The following ZRANB2 variants were observed in gnomAD, a reference collection of about 807,000 sequenced individuals.
ZRANB2 encodes the protein zinc finger Ran-binding domain-containing protein 2.
In ZRANB2, 19 loss-of-function variants were observed where a neutral mutation model predicts 53.4. That is an observed-to-expected ratio of 0.36 (90% CI 0.25 to 0.52). The LOEUF (loss-of-function observed/expected upper bound fraction) is 0.52. Among genes scored for constraint, ZRANB2 ranks in the 20% least tolerant of loss-of-function variants. ZRANB2 has a pLI of 0.93. For synonymous variants in ZRANB2, 145 were observed against 134.8 expected (o/e 1.08, Z -0.52); for missense variants, 309 against 401.1 (o/e 0.77, Z 1.96).
chr1:71,071,027 T>C (rs1661583796), intron 6 of ZRANB2, 31 bp from the exon 7 acceptor site: 1 of 1,497,974 alleles, frequency 6.7e-7, no homozygotes, highest in Non-Finnish European at 8.9e-7. Flanking sequence ...ATTAGACATT[T>C]AGATATTAGT....
At position 71,065,616 on chromosome 1, in the gene ZRANB2, T is replaced by C. The variant is rs1661408755; in HGVS notation, c.930-479A>G. ...TTTTGGAAATCTAGGTCACACAAGA[T>C]GATTGTACAATTTGCTATAGGGTTA... On this transcript the variant is annotated intron_variant, in intron 9 of 9. Coordinates refer to ENST00000370920, the MANE Select transcript of ZRANB2 (RefSeq NM_203350.3). The C allele has an allele frequency of 2.6e-6, 4 of 1,532,684 alleles. No homozygotes were observed. The South Asian group carries it at 3.8e-5, about 15-fold the overall frequency. 94.9% of individuals were successfully genotyped at this position (1,532,684 alleles called of 1,614,324 possible). A position where few individuals can be genotyped will look rare whatever the true frequency, so the allele number is the denominator to read the frequency against.
At chr1:71,072,020 C>G in intron 6 of ZRANB2, 101 bp downstream of exon 6, 1 of 1,469,086 alleles carries the variant, frequency 6.8e-7, no homozygotes, top group Non-Finnish European at 9.1e-7. Flanking sequence ...AATGAAAACA[C>G]AGAATATATT....
intron 1 of ZRANB2, 73 bp from the exon 2 acceptor site, chr1:71,078,781 C>T: frequency 7.9e-7 from 1 of 1,273,314 alleles, no homozygotes; most frequent in African/African-American, 1.5e-5. Flanking sequence ...GTCCTCACTA[C>T]ATATCTGGAA....
intron 4 of ZRANB2, among the ~76,000 whole-genome samples, chr1:71,074,847 C>T (rs2101049223): frequency 6.6e-6 from 1 of 152,226 alleles, no homozygotes; most frequent in Non-Finnish European, 1.5e-5. Context: ...CCCTGCACTG[C>T]TTTATTACAA....
Position 71,078,474 on chromosome 1 carries a change from A to T in ZRANB2, c.201T>A (p.Asn67Lys). 6.2e-7 allele frequency: 1 copy of T among 1,613,756 alleles called. No homozygotes were observed. The highest frequency in any genetic ancestry group is 8.5e-7 in the Non-Finnish European group (1 of 1,179,820). The change falls in exon 3 of 10, where the codon AAT becomes AAA. Residue 67 changes from asparagine (N) to lysine (K), a missense_variant. Asn to Lys is a moderately conservative substitution (Grantham distance 94). Coordinates refer to ENST00000370920, the MANE Select transcript of ZRANB2 (RefSeq NM_203350.3). ...AEKSRGLFSA[N>K]DWQCKTCSNV... Reference sequence around the variant, plus strand: ...AAACATACGTTTTACATTGCCAGTCATTAGCACTAAATAGGCCTCGGCTCT... The same window carrying T: ...AAACATACGTTTTACATTGCCAGTCTTTAGCACTAAATAGGCCTCGGCTCT...
chr1:71,070,184 G>A lies in ZRANB2; in HGVS notation c.683+643C>T, dbSNP rs183093218. ...AACTGTGATTAAGGTTTTTCAAGAG[G>A]ACACTGTTAAATTTAAATCACTGCT... On this transcript the variant is annotated intron_variant, in intron 7 of 9. Transcript: ENST00000370920. Among the ~76,000 whole-genome samples, 470 of 152,000 alleles carry A rather than the reference G, an allele frequency of 3.1e-3. 6 individuals carry two copies. Among genetic ancestry groups the A allele is most frequent in the African/African-American group, 0.011 (448 of 41,464 alleles).
At chr1:71,076,705 T>C (rs761394096) in intron 4 of ZRANB2, 90 bp downstream of exon 4, 3 of 963,646 alleles carry the variant, frequency 3.1e-6, no homozygotes, top group East Asian at 5.0e-5. Flanking sequence ...CCTCACTTAC[T>C]GTGGCTCTTA....
intron 4 of ZRANB2, among the ~76,000 whole-genome samples, chr1:71,076,313 C>T (rs538923169): frequency 1.2e-4 from 18 of 152,252 alleles, no homozygotes; most frequent in African/African-American, 3.8e-4. Context: ...GGAAACCCAC[C>T]GCCAAATAAC....
In ZRANB2 at chr1:71,078,946, G is replaced by A. The variant is rs114554318; in HGVS notation, c.57-238C>T. Among the ~76,000 whole-genome samples, 1,048 of 152,258 alleles carry A rather than the reference G, an allele frequency of 6.9e-3. 15 individuals carry two copies. Among genetic ancestry groups the A allele is most frequent in the African/African-American group, 0.024 (1,012 of 41,560 alleles). ...TTACCAGTCATGTGATCTTGATTAAGTTACTTAGGATCTCTGCCTCAAGTC... is the reference window on the plus strand; with the variant it reads ...TTACCAGTCATGTGATCTTGATTAAATTACTTAGGATCTCTGCCTCAAGTC... On this transcript the variant is annotated intron_variant, in intron 1 of 9. Transcript: ENST00000370920.
rs1165982394 is a variant in ZRANB2 at position 71,070,819 on chromosome 1, C to T, written c.683+8G>A. On this transcript the variant is annotated splice_region_variant and intron_variant, in intron 7 of 9. Transcript: ENST00000370920. ...GACTGGTGTTACCCTTGACCTGTAC[C>T]CGTTTACCTGGACCTAGACCTTGAA... 1.3e-6 allele frequency: 2 copies of T among 1,524,510 alleles called. No individual in the cohort carries two copies. The highest frequency in any genetic ancestry group is 8.8e-7 in the Non-Finnish European group (1 of 1,133,204). The allele number at this position is 1,524,510 out of a possible 1,614,324, so 94.4% of individuals were successfully genotyped here.
chr1:71,072,426 T>C (rs1661615694), intron 5 of ZRANB2, 46 bp downstream of exon 5: 3 of 1,545,986 alleles, frequency 1.9e-6, no homozygotes, highest in African/African-American at 1.4e-5. Context: ...GAATTTTTTC[T>C]GTTTTTCTAA....
rs1377377838 is a variant in ZRANB2, at chr1:71,064,437, A to C, written c.*637T>G. 2.0e-5 allele frequency: 3 copies of C among 152,460 alleles called. No individual in the cohort carries two copies. Among genetic ancestry groups the C allele is most frequent in the Non-Finnish European group, 4.4e-5 (3 of 67,906 alleles). 9.4% of individuals were successfully genotyped at this position (152,460 alleles called of 1,614,324 possible). ...TTTTTGCCCCAAATTATGTGTCAGAAAGGAAAATATATCCCACTTCTCTCC... is the reference window on the plus strand; with the variant it reads ...TTTTTGCCCCAAATTATGTGTCAGACAGGAAAATATATCCCACTTCTCTCC... On this transcript the variant is annotated 3_prime_UTR_variant, in exon 10 of 10. Transcript: ENST00000370920.
rs563827325 is a variant in ZRANB2, at chr1:71,078,636, A to G, written c.109+20T>C. 8.1e-6 allele frequency: 13 copies of G among 1,610,852 alleles called. No individual in the cohort carries two copies. Among genetic ancestry groups the G allele is most frequent in the Non-Finnish European group, 1.1e-5 (13 of 1,177,742 alleles). On this transcript the variant is annotated intron_variant, in intron 2 of 9. Transcript: ENST00000370920. Reference sequence around the variant, plus strand: ...AATGATACATATACAGTATAAATAGAATCTTCTTTAAATACTTACCCCGAC... The same window carrying G: ...AATGATACATATACAGTATAAATAGGATCTTCTTTAAATACTTACCCCGAC...
At chr1:71,065,727 G>A in intron 9 of ZRANB2, 4 of 1,612,694 alleles carry the variant, frequency 2.5e-6, no homozygotes, top group East Asian at 2.2e-5. Flanking sequence ...GCTCAGGGTT[G>A]TTTAGTGTTT....
intron 8 of ZRANB2, among the ~76,000 whole-genome samples, chr1:71,068,528 A>G (rs1303743566): frequency 6.6e-6 from 1 of 152,032 alleles, no homozygotes; most frequent in Non-Finnish European, 1.5e-5. Context: ...ACCACATCCT[A>G]TCTCAACTAA....
chr1:71,076,573 T>C (rs937385603), intron 4 of ZRANB2, among the ~76,000 whole-genome samples: 16 of 152,182 alleles, frequency 1.1e-4, no homozygotes, highest in African/African-American at 3.1e-4. Flanking sequence ...CTTATGTCCC[T>C]CCTTGTTAGG....
chr1:71,078,288 TTTAAAACTTCTTTATACTATAC>T (rs1175053269), intron 3 of ZRANB2, among the ~76,000 whole-genome samples, 147 bp downstream of exon 3: 1 of 152,150 alleles, frequency 6.6e-6, no homozygotes, highest in East Asian at 1.9e-4. Flanking sequence ...CAAAGAATAA[TTTAAAACTTCTTTATACTATAC>T]TTAAAGATGA....
intron 4 of ZRANB2, among the ~76,000 whole-genome samples, chr1:71,076,309 C>G (rs1185350828): frequency 1.3e-5 from 2 of 152,124 alleles, no homozygotes; most frequent in Admixed American, 6.6e-5. Flanking sequence ...TGTTGGAAAC[C>G]CACCGCCAAA....
At position 71,064,079 on chromosome 1, in the gene ZRANB2, AT is replaced by A. The variant is rs2101037432; in HGVS notation, c.*994del. On this transcript the variant is annotated 3_prime_UTR_variant, in exon 10 of 10. Transcript: ENST00000370920. Reference sequence around the variant, plus strand: ...AACTTATTTCAAATGAATAGGAAAAATAATGACTTTTGCTTACATCATGCAG... The same window carrying A: ...AACTTATTTCAAATGAATAGGAAAAAAATGACTTTTGCTTACATCATGCAG... The A allele has an allele frequency of 6.6e-6, 1 of 152,584 alleles. No individual in the cohort carries two copies. The highest frequency in any genetic ancestry group is 1.5e-5 in the Non-Finnish European group (1 of 67,876). 9.5% of individuals were successfully genotyped at this position (152,584 alleles called of 1,614,324 possible).
Sources: gnomAD v4.1 joint callset for allele counts (sites outside exome capture counted in the v4.1 genomes callset) on GRCh38, gnomAD v4.1.1 for gene constraint, MANE v1.5 for transcripts, NCBI Gene and HGNC (gene_info 2026-07-23, HGNC 2026-07-21) for gene names.